The following PIEZO2 variants were observed in gnomAD, a reference collection of about 807,000 sequenced individuals.
The protein encoded by PIEZO2 is piezo-type mechanosensitive ion channel component 2.
PIEZO2 carries 172 observed loss-of-function variants against 337.3 expected under a neutral mutation model. The observed-to-expected ratio is 0.51, with a 90% CI of 0.45 to 0.58. The LOEUF is 0.58. Among genes scored for constraint, PIEZO2 ranks in the 20% least tolerant of loss-of-function variants. PIEZO2 has a pLI of 0.00. For missense variants in PIEZO2, 3,028 were observed against 3,391.3 expected, an observed-to-expected ratio of 0.89 and a Z score of 2.66; for synonymous variants, 1,251 against 1,228.5, an observed-to-expected ratio of 1.02 and a Z score of -0.38.
chr18:10,817,663 C>T (rs1256464247), intron 7 of PIEZO2, among the ~76,000 whole-genome samples: 1 of 152,106 alleles, frequency 6.6e-6, no homozygotes, highest in Non-Finnish European at 1.5e-5. Flanking sequence ...GTGGCTCACG[C>T]CTGTAATCCT....
chr18:10,737,509 T>C (rs1255532655), intron 33 of PIEZO2, among the ~76,000 whole-genome samples: 2 of 152,020 alleles, frequency 1.3e-5, no homozygotes, highest in Non-Finnish European at 2.9e-5. Flanking sequence ...AACAAGGAAC[T>C]CCCCAGCAGC....
chr18:11,008,838 G>A (rs2035803748), intron 2 of PIEZO2, among the ~76,000 whole-genome samples: 1 of 152,096 alleles, frequency 6.6e-6, no homozygotes, highest in Admixed American at 6.6e-5. Context: ...AGGGTAAGCG[G>A]GTGTTCTAAA....
At position 10,923,652 on chromosome 18, in the gene PIEZO2, CA is replaced by C. The variant is rs535805997; in HGVS notation, c.287-12425del. On this transcript the variant is annotated intron_variant, in intron 3 of 55. Coordinates refer to ENST00000674853, the MANE Select transcript of PIEZO2 (RefSeq NM_001378183.1). ...ATGTTTCAGTAGCTTCAATGACACT[CA>C]GCTTTTATCCCTCCTCAGAGTAGCT... Among the ~76,000 whole-genome samples, 12 of 152,362 alleles carry C rather than the reference CA, an allele frequency of 7.9e-5. No homozygotes were observed. The South Asian group carries it at 2.5e-3, about 32-fold the overall frequency.
Position 10,705,442 on chromosome 18 carries a change from T to C in PIEZO2, c.5893A>G (p.Asn1965Asp). The change falls in exon 41 of 56, where the codon AAC becomes GAC. Residue 1965 changes from asparagine (N) to aspartate (D), a missense_variant. Physicochemically the swap from Asn to Asp is conservative, Grantham distance 23 (BLOSUM62 1). This residue lies in a region of PIEZO2 where 1,925 missense variants were observed against 2,051.9 expected (regional missense o/e 0.94). Coordinates refer to ENST00000674853, the MANE Select transcript of PIEZO2 (RefSeq NM_001378183.1). The part of the protein sequence containing the change: ...FGSQDDSAGK[N>D]RMAVSPDDSR... ...TCGTCCGGGCTGACTGCCATACGGTTCTTGCCTGCAGAGTCGTCCTGCGAG... is the reference window on the plus strand; with the variant it reads ...TCGTCCGGGCTGACTGCCATACGGTCCTTGCCTGCAGAGTCGTCCTGCGAG... 1 of 1,537,242 alleles carries C rather than the reference T, an allele frequency of 6.5e-7. No homozygotes were observed. The highest frequency in any genetic ancestry group is 1.2e-5 in the South Asian group (1 of 84,058).
At chr18:10,680,133 C>A in intron 52 of PIEZO2, 66 bp downstream of exon 52, 17 of 1,379,188 alleles carry the variant, frequency 1.2e-5, no homozygotes, top group African/African-American at 1.5e-5. Context: ...ACCACACCCT[C>A]CCTCCCCCAA....
At position 11,078,046 on chromosome 18, in the gene PIEZO2, C is replaced by A. The variant is rs138750072; in HGVS notation, c.65-11824G>T. ...TGCGTGCACACACACCCACACACAC[C>A]CACACACACACACACACACACCACA... is the stretch of plus-strand genomic sequence containing the variant. On this transcript the variant is annotated intron_variant, in intron 1 of 55. Coordinates refer to ENST00000674853, the MANE Select transcript of PIEZO2 (RefSeq NM_001378183.1). This position sits in a 1 kb window ranked among gnomAD's most constrained non-coding sequence, Gnocchi z 5.3. Among the ~76,000 whole-genome samples the A allele has an allele frequency of 2.4e-4, 33 of 135,776 alleles. No individual in the cohort carries two copies. The highest frequency in any genetic ancestry group is 1.6e-3 in the Admixed American group (22 of 13,484). The allele number at this position is 135,776 out of a possible 152,430, so 89.1% of individuals were successfully genotyped here.
chr18:10,921,539 G>A (rs2031402201), intron 3 of PIEZO2, among the ~76,000 whole-genome samples: 1 of 152,066 alleles, frequency 6.6e-6, no homozygotes, highest in South Asian at 2.1e-4. Flanking sequence ...CAGCTGAGGA[G>A]GATGTATGTC....
Position 10,750,099 on chromosome 18 carries a change from T to C in PIEZO2, c.4256A>G (p.Tyr1419Cys). ...AFSLACTVKG[Y>C]QMPAANSPCT... ...TTGCTTTTCATACTTACGCATTTGA[T>C]AGCCTTTGACTGTGCAGGCCAGGCT... Residue 1419 changes from tyrosine (Y) to cysteine (C), a missense_variant, in exon 29 of 56, where the codon TAT becomes TGT. Tyr to Cys is a radical substitution (Grantham distance 194). This residue lies in a region of PIEZO2 where 1,925 missense variants were observed against 2,051.9 expected (regional missense o/e 0.94). Transcript: ENST00000674853. This position sits in a 1 kb window ranked among gnomAD's most constrained non-coding sequence, Gnocchi z 4.1. 2 of 1,536,088 alleles carry C rather than the reference T, an allele frequency of 1.3e-6. No homozygotes were observed. Among genetic ancestry groups the C allele is most frequent in the Non-Finnish European group, 1.7e-6 (2 of 1,145,868 alleles).
intron 28 of PIEZO2, 23 bp downstream of exon 28, chr18:10,752,613 G>T: frequency 6.5e-7 from 1 of 1,535,772 alleles, no homozygotes; most frequent in Non-Finnish European, 8.7e-7. Context: ...CCGCAAATGT[G>T]TTATGCAGTG....
rs1157768160 is a variant in PIEZO2, at chr18:10,684,104, CTCTCTT to C, written c.7498-1818_7498-1813del. ...TCCTTCCTTCCTTCCTTCTTTCTCT[CTCTCTT>C]TCTTTCTTTCTTTCTCTCTCTCTCT... On this transcript the variant is annotated intron_variant, in intron 49 of 55. Transcript: ENST00000674853. Among the ~76,000 whole-genome samples the C allele has an allele frequency of 2.1e-4, 10 of 46,878 alleles. No homozygotes were observed. In the East Asian group the frequency reaches 2.5e-3, roughly 12 times the overall value. The allele number at this position is 46,878 out of a possible 152,430, so 30.8% of individuals were successfully genotyped here. A position where few individuals can be genotyped will look rare whatever the true frequency, so the allele number is the denominator to read the frequency against.
chr18:10,865,347 G>A (rs974937478), intron 5 of PIEZO2, among the ~76,000 whole-genome samples: 9 of 152,254 alleles, frequency 5.9e-5, no homozygotes, highest in African/African-American at 2.2e-4. Context: ...GATAGGGTAA[G>A]AAGGGAAGCT....
rs538584113 is a variant in PIEZO2, at chr18:10,821,067, A to G, written c.918-13793T>C. On this transcript the variant is annotated intron_variant, in intron 7 of 55. Coordinates refer to ENST00000674853, the MANE Select transcript of PIEZO2 (RefSeq NM_001378183.1). The surrounding 1 kb of genome is among the most constrained non-coding windows in gnomAD (Gnocchi z 4.2). Reference sequence around the variant, plus strand: ...GCTAAAGTGTCTAGATGACTCCTTGAAGATCTCTGGAGCTCTTTCTCTGTC... The same window carrying G: ...GCTAAAGTGTCTAGATGACTCCTTGGAGATCTCTGGAGCTCTTTCTCTGTC... 1.3e-4 allele frequency among the ~76,000 whole-genome samples: 20 copies of G among 152,262 alleles called. No homozygotes were observed. The highest frequency in any genetic ancestry group is 2.5e-4 in the Non-Finnish European group (17 of 68,014).
intron 1 of PIEZO2, among the ~76,000 whole-genome samples, chr18:11,091,606 A>C (rs2146043466): frequency 6.6e-6 from 1 of 152,256 alleles, no homozygotes; most frequent in Non-Finnish European, 1.5e-5. Context: ...CTGTTATCTC[A>C]TCTACAAAAT....
rs745618117 is a variant in PIEZO2 at position 10,882,834 on chromosome 18, C to CTTTTTTTTTTTTTTTTT, written c.330-11420_330-11419insAAAAAAAAAAAAAAAAA. Among the ~76,000 whole-genome samples, 5 of 110,030 alleles carry CTTTTTTTTTTTTTTTTT rather than the reference C, an allele frequency of 4.5e-5. 2 individuals are homozygous for CTTTTTTTTTTTTTTTTT. Among genetic ancestry groups the CTTTTTTTTTTTTTTTTT allele is most frequent in the African/African-American group, 3.1e-5 (1 of 31,982 alleles). 72.2% of individuals were successfully genotyped at this position (110,030 alleles called of 152,430 possible). ...CCATTGTGCATATGTACCACATTTT[C>CTTTTTTTTTTTTTTTTT]TTTTTTTCTTTTTTTTTTTTTTTGA... On this transcript the variant is annotated intron_variant, in intron 4 of 55. Coordinates refer to ENST00000674853, the MANE Select transcript of PIEZO2 (RefSeq NM_001378183.1).
chr18:10,885,166 T>C (rs2042540595), intron 4 of PIEZO2, among the ~76,000 whole-genome samples: 1 of 152,178 alleles, frequency 6.6e-6, no homozygotes, highest in African/African-American at 2.4e-5. Context: ...GGCTCACGCC[T>C]GTAATCCCAG....
intron 5 of PIEZO2, among the ~76,000 whole-genome samples, chr18:10,860,940 G>C (rs116583324): frequency 0.012 from 1,881 of 152,306 alleles, 42 homozygotes; most frequent in African/African-American, 0.043. Flanking sequence ...GCTGTCGGTT[G>C]GAAATACTTT....
rs889618278 is a variant in PIEZO2, at chr18:11,032,617, C to T, written c.160+33510G>A. Among the ~76,000 whole-genome samples, 6 of 152,134 alleles carry T rather than the reference C, an allele frequency of 3.9e-5. No homozygotes were observed. Among genetic ancestry groups the T allele is most frequent in the African/African-American group, 1.4e-4 (6 of 41,430 alleles). On this transcript the variant is annotated intron_variant, in intron 2 of 55. Transcript: ENST00000674853. The surrounding 1 kb of genome is among the most constrained non-coding windows in gnomAD (Gnocchi z 4.9). ...TTGAAATACAAAGGATAGGTTTGTG[C>T]CTTTCAAAAAGGCAGTATGTTCTGA...
intron 21 of PIEZO2, 166 bp from the exon 22 acceptor site, chr18:10,763,264 G>C (rs982014752): frequency 3.0e-6 from 2 of 674,004 alleles, no homozygotes; most frequent in Non-Finnish European, 5.0e-6. Flanking sequence ...AAGTAGGTGA[G>C]TTATGGTCTC....
chr18:10,796,207 A>T (rs1025253989), intron 12 of PIEZO2, among the ~76,000 whole-genome samples: 1 of 145,906 alleles, frequency 6.9e-6, no homozygotes, highest in Admixed American at 6.9e-5. Flanking sequence ...TACTAAAAAT[A>T]AAAAAAAAAA....
Sources: allele counts gnomAD v4.1 joint callset (sites outside exome capture counted in the v4.1 genomes callset), GRCh38; gene constraint gnomAD v4.1.1; regional missense constraint gnomAD v4.1.1; non-coding constraint Gnocchi (gnomAD v3.1); transcripts MANE v1.5; gene names NCBI Gene and HGNC (gene_info 2026-07-23, HGNC 2026-07-21).